The following NME9 variants were observed in gnomAD, a reference collection of about 807,000 sequenced individuals.
The protein encoded by NME9 is NME/NM23 family member 9.
NME9 carries 48 observed loss-of-function variants against 44.4 expected under a neutral mutation model. That is an observed-to-expected ratio of 1.08 (90% CI 0.86 to 1.37). NME9 has a LOEUF of 1.37. Ranked by LOEUF, NME9 falls within the 40% of genes most tolerant of loss-of-function variation. The pLI is 0.00. For synonymous variants in NME9, 139 were observed against 147.1 expected (o/e 0.94, Z 0.40); for missense variants, 325 against 405.2 (o/e 0.80, Z 1.70).
At chr3:138,269,815 TCTTTC>T (rs2048611612) in intron 8 of NME9, among the ~76,000 whole-genome samples, 2 of 130,204 alleles carry the variant, frequency 1.5e-5, no homozygotes, top group African/African-American at 5.9e-5. Context: ...GGTTTTGTTT[TCTTTC>T]TTTTTTTTTT....
chr3:138,295,919 C>T, intron 8 of NME9: 1 of 1,611,316 alleles, frequency 6.2e-7, no homozygotes, highest in Non-Finnish European at 8.5e-7. Context: ...CACCTGCGAG[C>T]ATCCCACCTC....
Position 138,301,208 on chromosome 3 carries a change from T to TA in NME9, c.*431_*432insT. Reference sequence around the variant, plus strand: ...ACTATTCTCTTTCTTTACTTTTTTTTTTATTATTATTATTAAGATGGAGTC... The same window carrying TA: ...ACTATTCTCTTTCTTTACTTTTTTTTATTATTATTATTATTAAGATGGAGTC... On this transcript the variant is annotated 3_prime_UTR_variant, in exon 11 of 11. Coordinates refer to ENST00000333911, the MANE Select transcript of NME9 (RefSeq NM_001349018.2). 1 of 752,536 alleles carries TA rather than the reference T, an allele frequency of 1.3e-6. No individual in the cohort carries two copies. Among genetic ancestry groups the TA allele is most frequent in the Non-Finnish European group, 1.6e-6 (1 of 617,848 alleles). The allele number at this position is 752,536 out of a possible 1,614,324, so 46.6% of individuals were successfully genotyped here.
chr3:138,324,875 G>A lies in NME9; in HGVS notation c.89C>T (p.Thr30Ile). The change falls in exon 2 of 11, where the codon ACT becomes ATT. Residue 30 changes from threonine to isoleucine, a missense_variant and splice_region_variant. By Grantham distance (89) the Thr-to-Ile change is moderately conservative. Coordinates refer to ENST00000333911, the MANE Select transcript of NME9 (RefSeq NM_001349018.2). ...AAAGTTATTTTACTTTGAATTACCA[G>A]TTAGTCCTTTGGAACTGAGCATTTC... ...WEEMLSSKGL[T>I]VVDVYQGWCG... is the part of the protein sequence containing the mutation. 1 of 1,609,970 alleles carries A rather than the reference G, an allele frequency of 6.2e-7. No homozygotes were observed. Among genetic ancestry groups the A allele is most frequent in the East Asian group, 2.2e-5 (1 of 44,852 alleles).
At chr3:138,274,323 G>T in intron 8 of NME9, 2 of 628,026 alleles carry the variant, frequency 3.2e-6, no homozygotes, top group Non-Finnish European at 2.8e-6. Flanking sequence ...TTGGCATCTA[G>T]TTCTATATGC....
downstream of NME9, chr3:138,296,498 T>C (rs1472096838): frequency 6.6e-6 from 1 of 151,764 alleles, no homozygotes; most frequent in Non-Finnish European, 1.5e-5. Context: ...AAGTAAAAAA[T>C]ATATGCATTT....
chr3:138,271,798 C>G (rs9681837), intron 8 of NME9, among the ~76,000 whole-genome samples: 1 of 136,134 alleles, frequency 7.3e-6, no homozygotes, highest in Non-Finnish European at 1.6e-5. Flanking sequence ...TTTTTTCTTT[C>G]TTTTTTTTTT....
chr3:138,296,196 TTGTG>T (rs1324732259), downstream of NME9: 3 of 299,876 alleles, frequency 1.0e-5, no homozygotes, highest in African/African-American at 4.4e-5. Context: ...TGCAGCCACT[TTGTG>T]AGTGAGAATG....
chr3:138,300,972 T>G (rs1449190095), downstream of NME9: 1 of 776,846 alleles, frequency 1.3e-6, no homozygotes, highest in Non-Finnish European at 1.6e-6. Context: ...TTCAAGCTCA[T>G]GGTTACCAAA....
At chr3:138,318,562 G>A (rs2053254690) in intron 3 of NME9, among the ~76,000 whole-genome samples, 1 of 151,846 alleles carries the variant, frequency 6.6e-6, no homozygotes, top group African/African-American at 2.4e-5. Context: ...GAAACCTGCC[G>A]CACATGGGCA....
At chr3:138,323,359 T>G (rs2053584499) in intron 2 of NME9, among the ~76,000 whole-genome samples, 1 of 152,216 alleles carries the variant, frequency 6.6e-6, no homozygotes, top group Admixed American at 6.5e-5. Flanking sequence ...GAGGTTGTAG[T>G]GAGCCAAGAT....
chr3:138,273,235 C>A, intron 8 of NME9: 1 of 1,100,016 alleles, frequency 9.1e-7, no homozygotes, highest in Non-Finnish European at 1.3e-6. Flanking sequence ...ATGCTGCCCC[C>A]TTCCAAAGAA....
downstream of NME9, chr3:138,298,210 G>A (rs902792867): frequency 2.6e-5 from 4 of 152,146 alleles, no homozygotes; most frequent in Admixed American, 1.3e-4. Context: ...TTCTCCTTTT[G>A]TGCCCTGATT....
chr3:138,304,293 A>C lies in NME9; in HGVS notation c.791+580T>G, dbSNP rs112845550. ...ACAACTGCAGTTCCTTGGCTTCTCT[A>C]ATTTCTTTCCTGTTGTCTGGGCCTG... On this transcript the variant is annotated intron_variant, in intron 9 of 10. Transcript: ENST00000333911. Among the ~76,000 whole-genome samples, 749 of 152,290 alleles carry C rather than the reference A, an allele frequency of 4.9e-3. 5 individuals carry two copies. Among genetic ancestry groups the C allele is most frequent in the Non-Finnish European group, 6.8e-3 (460 of 68,018 alleles).
At chr3:138,327,874 C>T (rs1000282302) in intron 1 of NME9, among the ~76,000 whole-genome samples, 1 of 152,082 alleles carries the variant, frequency 6.6e-6, no homozygotes, top group African/African-American at 2.4e-5. Flanking sequence ...AAAGTTATTA[C>T]CCCCATAGGA....
chr3:138,308,757 A>G (rs2052462158), intron 6 of NME9, among the ~76,000 whole-genome samples: 2 of 152,138 alleles, frequency 1.3e-5, no homozygotes, highest in African/African-American at 4.8e-5. Flanking sequence ...ATGCTGTGAA[A>G]TGTGCCCAAA....
At chr3:138,295,873 T>G (rs1270853962) in intron 8 of NME9, 1 of 1,613,666 alleles carries the variant, frequency 6.2e-7, no homozygotes, top group Non-Finnish European at 8.5e-7. Context: ...AAGATGGCAC[T>G]GCAGCAGTAC....
chr3:138,302,295 C>G (rs565949073), intron 10 of NME9, among the ~76,000 whole-genome samples: 33 of 152,142 alleles, frequency 2.2e-4, no homozygotes, highest in Non-Finnish European at 4.3e-4. Context: ...CAGATAGCCC[C>G]TTTTCTTATC....
In NME9 at chr3:138,318,179, C is replaced by T; in HGVS notation, c.236G>A (p.Gly79Glu). The change falls in exon 4 of 11, where the codon GGG (glycine) becomes GAG (glutamate). Residue 79 changes from glycine to glutamate, a missense_variant. By Grantham distance (98) the Gly-to-Glu change is moderately conservative (BLOSUM62 -2). Coordinates refer to ENST00000333911, the MANE Select transcript of NME9 (RefSeq NM_001349018.2). Reference sequence around the variant, plus strand: ...AAACAGAAAGGTTGGCTCGCACTTCCCTCTGTACTTTTCGAGGACATCAAG... The same window carrying T: ...AAACAGAAAGGTTGGCTCGCACTTCTCTCTGTACTTTTCGAGGACATCAAG... The part of the protein sequence containing the change: ...DRLDVLEKYR[G>E]KCEPTFLFYA... The T allele has an allele frequency of 6.2e-7, 1 of 1,612,544 alleles. No individual in the cohort carries two copies.
At chr3:138,294,381 G>C (rs2051270973) in intron 8 of NME9, among the ~76,000 whole-genome samples, 1 of 152,146 alleles carries the variant, frequency 6.6e-6, no homozygotes, top group East Asian at 1.9e-4. Flanking sequence ...TAAGTATTTG[G>C]GGAGTCAGGT....
Sources: allele counts gnomAD v4.1 joint callset (sites outside exome capture counted in the v4.1 genomes callset), GRCh38; gene constraint gnomAD v4.1.1; transcripts MANE v1.5; gene names NCBI Gene and HGNC (gene_info 2026-07-23, HGNC 2026-07-21).